The following SLC1A1 variants were observed in gnomAD, a reference collection of about 807,000 sequenced individuals.
The protein encoded by SLC1A1 is excitatory amino acid transporter 3.
Under a neutral mutation model 53.3 loss-of-function variants are expected in SLC1A1, and 43 were observed. The ratio of observed to expected loss-of-function variants is 0.81; its 90% CI spans 0.63 to 1.04. The LOEUF (loss-of-function observed/expected upper bound fraction) is 1.04. Among genes scored for constraint, SLC1A1 ranks in the 50% least tolerant of loss-of-function variants. The probability of loss-of-function intolerance (pLI) is 0.00; values close to 1 mark genes in which losing one functional copy is unlikely to be tolerated. For missense variants in SLC1A1, 748 were observed against 664.9 expected (o/e 1.12, Z -1.37); for synonymous variants, 307 against 243.2 (o/e 1.26, Z -2.44).
intron 4 of SLC1A1, among the ~76,000 whole-genome samples, chr9:4,565,386 G>A (rs1819385408): frequency 6.6e-6 from 1 of 152,178 alleles, no homozygotes. Flanking sequence ...ACCTGGGACT[G>A]GGTAATTTAT....
intron 2 of SLC1A1, among the ~76,000 whole-genome samples, chr9:4,557,070 T>C: frequency 6.6e-6 from 1 of 152,328 alleles, no homozygotes; most frequent in South Asian, 2.1e-4. Flanking sequence ...GGGGACTACC[T>C]GCTGAGGTCC....
intron 2 of SLC1A1, among the ~76,000 whole-genome samples, chr9:4,560,923 G>A (rs1439976362): frequency 6.6e-6 from 1 of 150,504 alleles, no homozygotes; most frequent in Non-Finnish European, 1.5e-5. Flanking sequence ...TTGAACCCAG[G>A]AGATGGAGGT....
At chr9:4,524,740 A>G (rs1342229360) in intron 1 of SLC1A1, among the ~76,000 whole-genome samples, 1 of 152,158 alleles carries the variant, frequency 6.6e-6, no homozygotes, top group Admixed American at 6.5e-5. Context: ...ATTATTGTTA[A>G]AATATGGTAG....
rs536929410 is a variant in SLC1A1, at chr9:4,532,115, G to A, written c.92-12452G>A. ...ACCACAAAGATGGGGAAAAAACAGAGCAGAAAAACTGGAAACTCTAAAAAT... is the reference window on the plus strand; with the variant it reads ...ACCACAAAGATGGGGAAAAAACAGAACAGAAAAACTGGAAACTCTAAAAAT... On this transcript the variant is annotated intron_variant, in intron 1 of 11. Coordinates refer to ENST00000262352, the MANE Select transcript of SLC1A1 (RefSeq NM_004170.6). 7.3e-3 allele frequency among the ~76,000 whole-genome samples: 1,113 copies of A among 152,252 alleles called. 16 individuals carry two copies. The highest frequency in any genetic ancestry group is 0.025 in the African/African-American group (1,051 of 41,558).
chr9:4,552,469 G>T (rs1333446270), intron 2 of SLC1A1, among the ~76,000 whole-genome samples: 1 of 152,134 alleles, frequency 6.6e-6, no homozygotes, highest in Non-Finnish European at 1.5e-5. Context: ...GAAGTGCGAT[G>T]CTGGAAACGT....
rs762674898 is a variant in SLC1A1 at position 4,549,711 on chromosome 9, A to T, written c.232+5004A>T. ...TTGTGGAATATCCACTTCAGAGAAA[A>T]CCCCCCTCACGGCCACAGGGGGATA... On this transcript the variant is annotated intron_variant, in intron 2 of 11. Transcript: ENST00000262352. This position sits in a 1 kb window ranked among gnomAD's most constrained non-coding sequence, Gnocchi z 4.1. Among the ~76,000 whole-genome samples the T allele has an allele frequency of 4.0e-5, 6 of 151,696 alleles. No individual in the cohort carries two copies. Among genetic ancestry groups the T allele is most frequent in the Admixed American group, 1.3e-4 (2 of 15,210 alleles).
chr9:4,505,181 G>T (rs1707149472), intron 1 of SLC1A1, among the ~76,000 whole-genome samples: 1 of 150,768 alleles, frequency 6.6e-6, no homozygotes, highest in Non-Finnish European at 1.5e-5. Flanking sequence ...CAAGTAGCTG[G>T]GATTACAGAT....
chr9:4,545,973 G>A (rs16921457), intron 2 of SLC1A1, among the ~76,000 whole-genome samples: 18,568 of 152,130 alleles, frequency 0.12, 1,368 homozygotes, highest in South Asian at 0.25. Context: ...ATTAGAAGTC[G>A]TGACATGTCC....
chr9:4,585,931 TTG>T lies in SLC1A1; in HGVS notation c.*374_*375del. Reference sequence around the variant, plus strand: ...GGTTTTTAAAAAAAATATTCTGTCATTGGTTACAAATTTTTACTCAGGCTTTC... The same window carrying T: ...GGTTTTTAAAAAAAATATTCTGTCATGTTACAAATTTTTACTCAGGCTTTC... On this transcript the variant is annotated 3_prime_UTR_variant, in exon 12 of 12. Coordinates refer to ENST00000262352, the MANE Select transcript of SLC1A1 (RefSeq NM_004170.6). 1.4e-4 allele frequency: 27 copies of T among 194,332 alleles called. No homozygotes were observed. The highest frequency in any genetic ancestry group is 7.8e-4 in the South Asian group (8 of 10,218). The allele number at this position is 194,332 out of a possible 1,614,324, so 12.0% of individuals were successfully genotyped here. A position where few individuals can be genotyped will look rare whatever the true frequency, so the allele number is the denominator to read the frequency against.
At position 4,544,619 on chromosome 9, in the gene SLC1A1, G is replaced by A. The variant is rs763452671; in HGVS notation, c.144G>A (p.Glu48=). 2 of 1,613,694 alleles carry A rather than the reference G, an allele frequency of 1.2e-6. No homozygotes were observed. Among genetic ancestry groups the A allele is most frequent in the African/African-American group, 1.3e-5 (1 of 75,040 alleles). ...AACACAGCAACCTCTCAACTCTAGA[G>A]AAATTCTACTTTGCTTTTCCTGGAG... ...VREHSNLSTL[E]KFYFAFPGEI... The change falls in exon 2 of 12, where the codon GAG becomes GAA. Residue 48 remains glutamate, a synonymous_variant. Transcript: ENST00000262352.
At chr9:4,500,563 G>A (rs1056534361) in intron 1 of SLC1A1, among the ~76,000 whole-genome samples, 2 of 152,014 alleles carry the variant, frequency 1.3e-5, no homozygotes, top group Non-Finnish European at 2.9e-5. Context: ...TGCCCGCCTC[G>A]GCCTCCCAAA....
At chr9:4,535,337 C>T (rs1816634184) in intron 1 of SLC1A1, among the ~76,000 whole-genome samples, 1 of 152,130 alleles carries the variant, frequency 6.6e-6, no homozygotes, top group African/African-American at 2.4e-5. Context: ...TCTCCTTAGG[C>T]TGATAGGCAA....
intron 1 of SLC1A1, among the ~76,000 whole-genome samples, chr9:4,515,012 ACT>A (rs1201282982): frequency 1.4e-5 from 2 of 146,458 alleles, no homozygotes; most frequent in African/African-American, 2.5e-5. Flanking sequence ...TTTCTCGCTG[ACT>A]CTCTCTCTCC....
At chr9:4,510,876 C>A (rs987372121) in intron 1 of SLC1A1, among the ~76,000 whole-genome samples, 1 of 152,172 alleles carries the variant, frequency 6.6e-6, no homozygotes, top group Non-Finnish European at 1.5e-5. Context: ...AGCTTCTGGA[C>A]TACTTAGGGC....
At chr9:4,498,117 T>C (rs751723655) in intron 1 of SLC1A1, among the ~76,000 whole-genome samples, 1 of 152,226 alleles carries the variant, frequency 6.6e-6, no homozygotes, top group African/African-American at 2.4e-5. Context: ...TTTAGCTTTA[T>C]GACTGTATAT....
rs755186294 is a variant in SLC1A1, at chr9:4,585,578, C to A, written c.*20C>A. 1.2e-6 allele frequency: 2 copies of A among 1,614,154 alleles called. No homozygotes were observed. Among genetic ancestry groups the A allele is most frequent in the Non-Finnish European group, 1.7e-6 (2 of 1,180,000 alleles). ...TTCTAGGGCCCCTGGCTGCAGATGA[C>A]TGGAAACAAGGAAGGACATTTCCGT... On this transcript the variant is annotated 3_prime_UTR_variant, in exon 12 of 12. Coordinates refer to ENST00000262352, the MANE Select transcript of SLC1A1 (RefSeq NM_004170.6).
At chr9:4,516,471 A>G (rs1821164519) in intron 1 of SLC1A1, among the ~76,000 whole-genome samples, 1 of 152,120 alleles carries the variant, frequency 6.6e-6, no homozygotes, top group African/African-American at 2.4e-5. Flanking sequence ...GAAATAAACC[A>G]CCCTTATCAT....
intron 1 of SLC1A1, among the ~76,000 whole-genome samples, chr9:4,490,985 G>C (rs1257376789): frequency 3.3e-5 from 5 of 152,230 alleles, no homozygotes; most frequent in Non-Finnish European, 7.3e-5. Flanking sequence ...TCCCATTTGA[G>C]TGCTCCTTGA....
At chr9:4,538,061 G>A (rs1164757073) in intron 1 of SLC1A1, among the ~76,000 whole-genome samples, 1 of 152,140 alleles carries the variant, frequency 6.6e-6, no homozygotes, top group Non-Finnish European at 1.5e-5. Flanking sequence ...GAAATGTTTA[G>A]TTCAAGGCCT....
Sources: allele counts gnomAD v4.1 joint callset (sites outside exome capture counted in the v4.1 genomes callset), GRCh38; gene constraint gnomAD v4.1.1; non-coding constraint Gnocchi (gnomAD v3.1); transcripts MANE v1.5; gene names NCBI Gene and HGNC (gene_info 2026-07-23, HGNC 2026-07-21).